The following CTNND2 variants were observed in gnomAD, a reference collection of about 807,000 sequenced individuals.
CTNND2 encodes the protein catenin delta 2.
A neutral mutation model predicts 144.4 loss-of-function variants in CTNND2; 22 were observed. The ratio of observed to expected loss-of-function variants is 0.15; its 90% CI spans 0.11 to 0.22. The LOEUF is 0.22. Among genes scored for constraint, CTNND2 ranks in the 10% least tolerant of loss-of-function variants. The probability of loss-of-function intolerance (pLI) is 1.00; values close to 1 mark genes in which losing one functional copy is unlikely to be tolerated. For missense variants in CTNND2, 1,353 were observed against 1,618.8 expected, an observed-to-expected ratio of 0.84 and a Z score of 2.82; for synonymous variants, 751 against 695.6, an observed-to-expected ratio of 1.08 and a Z score of -1.25.
intron 3 of CTNND2, among the ~76,000 whole-genome samples, chr5:11,547,304 T>C (rs974003557): frequency 1.9e-4 from 27 of 144,624 alleles, no homozygotes; most frequent in Non-Finnish European, 2.1e-4. Flanking sequence ...AATAAATAAA[T>C]AAATAAATAA....
intron 3 of CTNND2, among the ~76,000 whole-genome samples, chr5:11,485,366 T>TGA (rs1768704074): frequency 7.9e-6 from 1 of 126,444 alleles, no homozygotes; most frequent in African/African-American, 2.6e-5. Flanking sequence ...TGTGTGTGTG[T>TGA]GTGTGTGTGC....
At chr5:11,599,262 T>C (rs556464013) in intron 2 of CTNND2, among the ~76,000 whole-genome samples, 18 of 152,202 alleles carry the variant, frequency 1.2e-4, no homozygotes, top group Admixed American at 3.3e-4. Context: ...ACAATCTACT[T>C]AGGCAGTTCA....
At chr5:11,754,183 C>A (rs1029021889) in intron 1 of CTNND2, among the ~76,000 whole-genome samples, 1 of 151,148 alleles carries the variant, frequency 6.6e-6, no homozygotes, top group Non-Finnish European at 1.5e-5. Flanking sequence ...CATTTCAGGT[C>A]TGATTTTGGT....
chr5:11,412,010 T>C lies in CTNND2; in HGVS notation c.322+25A>G, dbSNP rs376290204. 14 of 1,586,358 alleles carry C rather than the reference T, an allele frequency of 8.8e-6. No individual in the cohort carries two copies. The Admixed American group carries it at 1.2e-4, about 13-fold the overall frequency. On this transcript the variant is annotated intron_variant, in intron 4 of 21. Coordinates refer to ENST00000304623, the MANE Select transcript of CTNND2 (RefSeq NM_001332.4). ...GTAGAGATATGTTTAGAAGTGTAAGTGTTCATCAATAAGATAGACATTACC... is the reference window on the plus strand; with the variant it reads ...GTAGAGATATGTTTAGAAGTGTAAGCGTTCATCAATAAGATAGACATTACC...
At chr5:11,420,323 AAAAAAC>A (rs1214189497) in intron 3 of CTNND2, among the ~76,000 whole-genome samples, 2 of 152,164 alleles carry the variant, frequency 1.3e-5, no homozygotes, top group Admixed American at 6.5e-5. Flanking sequence ...ACTTCGTGTC[AAAAAAC>A]AAAAACAAAA....
chr5:11,098,707 T>G lies in CTNND2; in HGVS notation c.2505A>C (p.Pro835=). Residue 835 remains proline (P), a synonymous_variant, in exon 15 of 22, where the codon CCA becomes CCC. Coordinates refer to ENST00000304623, the MANE Select transcript of CTNND2 (RefSeq NM_001332.4). ...VGPLPDCAEP[P]KGIQMLWHPS... ...GGTGCCACAGCATCTGGATCCCTTT[T>G]GGTGGTTCAGCACAGTCTGGAAGAG... is the stretch of plus-strand genomic sequence containing the variant. 2 of 1,614,174 alleles carry G rather than the reference T, an allele frequency of 1.2e-6. No homozygotes were observed. The highest frequency in any genetic ancestry group is 1.7e-6 in the Non-Finnish European group (2 of 1,180,008).
chr5:11,495,000 T>C (rs1044424223), intron 3 of CTNND2, among the ~76,000 whole-genome samples: 15 of 152,192 alleles, frequency 9.9e-5, no homozygotes, highest in Admixed American at 3.3e-4. Flanking sequence ...AGGGGTCAAC[T>C]TTCTCCTCAC....
intron 21 of CTNND2, among the ~76,000 whole-genome samples, chr5:10,979,229 G>T (rs1393732919): frequency 6.6e-6 from 1 of 152,226 alleles, no homozygotes; most frequent in Non-Finnish European, 1.5e-5. Context: ...AAGCATGATT[G>T]ATTTCCATAA....
intron 2 of CTNND2, among the ~76,000 whole-genome samples, chr5:11,636,776 G>C (rs926988725): frequency 6.6e-6 from 1 of 152,194 alleles, no homozygotes; most frequent in African/African-American, 2.4e-5. Flanking sequence ...AATACGCACA[G>C]AGAGCAAGTT....
intron 11 of CTNND2, among the ~76,000 whole-genome samples, chr5:11,169,466 T>C (rs1759682379): frequency 6.6e-6 from 1 of 152,154 alleles, no homozygotes; most frequent in Non-Finnish European, 1.5e-5. Flanking sequence ...AGGGGATCCA[T>C]TATCCATAAA....
chr5:11,576,695 T>C, intron 2 of CTNND2, among the ~76,000 whole-genome samples: 1 of 152,188 alleles, frequency 6.6e-6, no homozygotes, highest in Non-Finnish European at 1.5e-5. Context: ...TCCTACATCA[T>C]TACATGGCAG....
At chr5:11,283,046 T>G (rs1747326060) in intron 9 of CTNND2, among the ~76,000 whole-genome samples, 1 of 152,180 alleles carries the variant, frequency 6.6e-6, no homozygotes, top group South Asian at 2.1e-4. Flanking sequence ...ATAGCCAGTC[T>G]TACAAAATTC....
chr5:11,501,960 G>A (rs761317713), intron 3 of CTNND2, among the ~76,000 whole-genome samples: 2 of 149,350 alleles, frequency 1.3e-5, no homozygotes, highest in Admixed American at 6.7e-5. Flanking sequence ...CCCAGCAGAC[G>A]GAGCTTGCAG....
At chr5:11,211,112 GT>G (rs1738584697) in intron 10 of CTNND2, among the ~76,000 whole-genome samples, 1 of 152,156 alleles carries the variant, frequency 6.6e-6, no homozygotes, top group African/African-American at 2.4e-5. Flanking sequence ...CCAAAAAGAA[GT>G]CAGAGAAGGA....
chr5:11,632,884 G>A (rs962633661), intron 2 of CTNND2, among the ~76,000 whole-genome samples: 3 of 152,170 alleles, frequency 2.0e-5, no homozygotes, highest in African/African-American at 7.2e-5. Flanking sequence ...GGAATCCACA[G>A]TAAAGTTAAG....
At chr5:11,597,839 G>A (rs1779591058) in intron 2 of CTNND2, among the ~76,000 whole-genome samples, 1 of 151,992 alleles carries the variant, frequency 6.6e-6, no homozygotes, top group African/African-American at 2.4e-5. Flanking sequence ...TGAGACTATG[G>A]GCATGAGCCA....
At chr5:11,623,902 C>T (rs115133926) in intron 2 of CTNND2, among the ~76,000 whole-genome samples, 1,567 of 133,076 alleles carry the variant, frequency 0.012, 23 homozygotes, top group African/African-American at 0.043. Context: ...TCTTAGAGGC[C>T]TACAAAGAAA....
chr5:11,507,659 A>G (rs1771193937), intron 3 of CTNND2, among the ~76,000 whole-genome samples: 1 of 152,168 alleles, frequency 6.6e-6, no homozygotes, highest in African/African-American at 2.4e-5. Flanking sequence ...CCTGGTCTTT[A>G]TAACACTCAG....
intron 3 of CTNND2, among the ~76,000 whole-genome samples, chr5:11,460,127 G>A (rs1033461831): frequency 2.0e-5 from 3 of 152,204 alleles, no homozygotes; most frequent in East Asian, 1.9e-4. Flanking sequence ...CATGATGCCC[G>A]CAACAATCCA....
Sources: allele counts gnomAD v4.1 joint callset (sites outside exome capture counted in the v4.1 genomes callset), GRCh38; gene constraint gnomAD v4.1.1; transcripts MANE v1.5; gene names NCBI Gene and HGNC (gene_info 2026-07-23, HGNC 2026-07-21).